The following ACER1 variants were observed in gnomAD, a reference collection of about 807,000 sequenced individuals.
ACER1 encodes CTB-180A7.3.
ACER1 carries 28 observed loss-of-function variants against 24.9 expected under a neutral mutation model. That is an observed-to-expected ratio of 1.13 (90% confidence interval 0.83 to 1.54). The LOEUF (loss-of-function observed/expected upper bound fraction) is 1.54. Among genes scored for constraint, ACER1 ranks in the 40% most tolerant of loss-of-function variants. ACER1 has a pLI of 0.00. For synonymous variants in ACER1, 132 were observed against 131.4 expected (o/e 1.00, Z -0.03); for missense variants, 352 against 349.3 (o/e 1.01, Z -0.06).
the ACER1 span, among the ~76,000 whole-genome samples, chr19:6,354,527 G>C: frequency 1.1e-4 from 17 of 152,158 alleles, no homozygotes; most frequent in Admixed American, 4.6e-4. Flanking sequence ...AATATCAAAG[G>C]ACATTGCTCA....
At chr19:6,345,668 G>C in the ACER1 span, among the ~76,000 whole-genome samples, 1 of 150,950 alleles carries the variant, frequency 6.6e-6, no homozygotes, top group Non-Finnish European at 1.5e-5. Context: ...GGGTTCAAGC[G>C]ATTCTCTTGC....
chr19:6,308,302 G>C (rs1272346477), intron 4 of ACER1, among the ~76,000 whole-genome samples: 1 of 151,880 alleles, frequency 6.6e-6, no homozygotes, highest in East Asian at 1.9e-4. Context: ...GGGCGTGGTG[G>C]CGTGTGTCTG....
At chr19:6,357,813 G>C in the ACER1 span, among the ~76,000 whole-genome samples, 1 of 152,012 alleles carries the variant, frequency 6.6e-6, no homozygotes, top group South Asian at 2.1e-4. Flanking sequence ...GTGAAGAATA[G>C]TGAAGAAGAG....
chr19:6,341,651 A>G, the ACER1 span, among the ~76,000 whole-genome samples: 1 of 145,486 alleles, frequency 6.9e-6, no homozygotes, highest in Non-Finnish European at 1.5e-5. Flanking sequence ...TTTGAGATGG[A>G]GTCTTGCTCT....
intron 4 of ACER1, among the ~76,000 whole-genome samples, chr19:6,307,618 T>TAAA (rs575533649): frequency 2.4e-5 from 3 of 127,490 alleles, no homozygotes; most frequent in Non-Finnish European, 3.4e-5. Context: ...ACCCCATCTC[T>TAAA]AAAAAAAAAA....
At chr19:6,338,638 A>G in the ACER1 span, among the ~76,000 whole-genome samples, 1 of 152,058 alleles carries the variant, frequency 6.6e-6, no homozygotes, top group Non-Finnish European at 1.5e-5. Flanking sequence ...GCCAGGCTTG[A>G]GTGCAGTGGT....
At chr19:6,332,258 C>G (rs111533976) in intron 1 of ACER1, among the ~76,000 whole-genome samples, 2 of 145,232 alleles carry the variant, frequency 1.4e-5, no homozygotes, top group Non-Finnish European at 3.0e-5. Flanking sequence ...TGAGCCTCCG[C>G]GCCCGGCCTT....
chr19:6,324,089 G>T (rs1049310595), intron 1 of ACER1, among the ~76,000 whole-genome samples: 1 of 152,098 alleles, frequency 6.6e-6, no homozygotes, highest in Non-Finnish European at 1.5e-5. Flanking sequence ...GTGTCACCCA[G>T]GCTGGAGTGC....
intron 1 of ACER1, among the ~76,000 whole-genome samples, chr19:6,327,237 C>A (rs10402764): frequency 6.6e-4 from 101 of 152,132 alleles, no homozygotes; most frequent in African/African-American, 2.3e-3. Flanking sequence ...TTGAGAGCAA[C>A]CTGGATGACC....
At chr19:6,308,511 A>G (rs2091562583) in intron 4 of ACER1, among the ~76,000 whole-genome samples, 1 of 151,528 alleles carries the variant, frequency 6.6e-6, no homozygotes, top group Non-Finnish European at 1.5e-5. Context: ...AGGCACAGGG[A>G]TTGCACTATG....
At chr19:6,333,774 G>C (rs2091701693), upstream of ACER1, 1 of 487,390 alleles carries the variant, frequency 2.1e-6, no homozygotes, top group Non-Finnish European at 3.7e-6. Context: ...TGTCCAGGCA[G>C]GGCAGGGGGC....
intron 2 of ACER1, 46 bp downstream of exon 2, chr19:6,312,339 C>T (rs1313746007): frequency 6.2e-7 from 1 of 1,613,874 alleles, no homozygotes; most frequent in South Asian, 1.1e-5. Context: ...CCTCCTAAAC[C>T]CCCACTGCCT....
the ACER1 span, among the ~76,000 whole-genome samples, chr19:6,358,535 G>A: frequency 2.0e-5 from 3 of 151,848 alleles, no homozygotes; most frequent in East Asian, 1.9e-4. Flanking sequence ...GCCGAGGCAG[G>A]AGAATGGCGT....
chr19:6,355,077 G>A, the ACER1 span, among the ~76,000 whole-genome samples: 5 of 152,098 alleles, frequency 3.3e-5, no homozygotes, highest in Non-Finnish European at 5.9e-5. Flanking sequence ...CGCCAGCCTC[G>A]GCCTCCAGAG....
At chr19:6,345,650 G>A in the ACER1 span, among the ~76,000 whole-genome samples, 7 of 149,806 alleles carry the variant, frequency 4.7e-5, no homozygotes, top group South Asian at 2.1e-4. Context: ...CTGAAATCTC[G>A]GCCTCCTGGG....
chr19:6,335,806 G>A (rs892305444), upstream of ACER1, among the ~76,000 whole-genome samples: 1 of 151,714 alleles, frequency 6.6e-6, no homozygotes, highest in Non-Finnish European at 1.5e-5. Context: ...ACTCCAGCCT[G>A]GGTGACAGAG....
At chr19:6,348,123 A>G in the ACER1 span, among the ~76,000 whole-genome samples, 161 of 151,634 alleles carry the variant, frequency 1.1e-3, 1 homozygote, top group Middle Eastern at 0.01. Flanking sequence ...GTACCTACAC[A>G]CGTATTTAAA....
chr19:6,339,845 T>G, the ACER1 span, among the ~76,000 whole-genome samples: 1 of 151,902 alleles, frequency 6.6e-6, no homozygotes, highest in East Asian at 2.0e-4. Flanking sequence ...TTTTGTATTT[T>G]TAGTAGAGAC....
chr19:6,307,526 T>C (rs2091558126), intron 4 of ACER1, among the ~76,000 whole-genome samples: 1 of 151,428 alleles, frequency 6.6e-6, no homozygotes, highest in Non-Finnish European at 1.5e-5. Flanking sequence ...CTCATGCCTG[T>C]AATCCCAGCA....
Sources: allele counts gnomAD v4.1 joint callset (sites outside exome capture counted in the v4.1 genomes callset), GRCh38; gene constraint gnomAD v4.1.1; transcripts MANE v1.5; gene names NCBI Gene and HGNC (gene_info 2026-07-23, HGNC 2026-07-21).